The following NUCB2 variants were observed in gnomAD, a reference collection of about 807,000 sequenced individuals.
The protein encoded by NUCB2 is nucleobindin 2.
In NUCB2, 48 loss-of-function variants were observed where a neutral mutation model predicts 57.9. The ratio of observed to expected loss-of-function variants is 0.83; its 90% CI spans 0.66 to 1.05. NUCB2 has a LOEUF of 1.05. Among genes scored for constraint, NUCB2 ranks in the 50% least tolerant of loss-of-function variants. The pLI, the probability that NUCB2 is intolerant of heterozygous loss-of-function variation, is 0.00. For missense variants in NUCB2, 442 were observed against 476.2 expected, an observed-to-expected ratio of 0.93 and a Z score of 0.67; for synonymous variants, 139 against 152.1, an observed-to-expected ratio of 0.91 and a Z score of 0.64.
At chr11:17,339,922 C>T (rs1256194654) in intron 2 of NUCB2, among the ~76,000 whole-genome samples, 2 of 152,180 alleles carry the variant, frequency 1.3e-5, no homozygotes, top group African/African-American at 2.4e-5. Context: ...CCTGAGGAAT[C>T]GCCACACAGA....
chr11:17,300,664 C>T lies in NUCB2; in HGVS notation c.253-1080C>T, dbSNP rs114330185. 4.2e-3 allele frequency among the ~76,000 whole-genome samples: 642 copies of T among 152,176 alleles called. 6 individuals are homozygous for T. Among genetic ancestry groups the T allele is most frequent in the African/African-American group, 0.015 (613 of 41,502 alleles). ...ATTGGTATACTATATTTTGTTTATCCGTTCATTAGTTGATGGACGTTTAGG... is the reference window on the plus strand; with the variant it reads ...ATTGGTATACTATATTTTGTTTATCTGTTCATTAGTTGATGGACGTTTAGG... On this transcript the variant is annotated intron_variant, in intron 4 of 13. Coordinates refer to ENST00000529010, the MANE Select transcript of NUCB2 (RefSeq NM_005013.4).
At chr11:17,346,191 C>T (rs1047750688) in intron 2 of NUCB2, among the ~76,000 whole-genome samples, 1 of 152,204 alleles carries the variant, frequency 6.6e-6, no homozygotes, top group Admixed American at 6.5e-5. Flanking sequence ...CCTTCTCCAG[C>T]ATGGCTAGTA....
At chr11:17,346,782 GATA>G (rs1952776567) in intron 2 of NUCB2, among the ~76,000 whole-genome samples, 1 of 152,068 alleles carries the variant, frequency 6.6e-6, no homozygotes, top group Non-Finnish European at 1.5e-5. Flanking sequence ...AATTAACATT[GATA>G]CAATTCTATA....
chr11:17,341,159 T>C (rs1409336466), intron 2 of NUCB2, among the ~76,000 whole-genome samples: 3 of 152,250 alleles, frequency 2.0e-5, no homozygotes, highest in Non-Finnish European at 2.9e-5. Context: ...TTTTGCACAT[T>C]GATTTTGTAT....
At chr11:17,288,347 C>T (rs1396215371) in intron 2 of NUCB2, among the ~76,000 whole-genome samples, 5 of 151,636 alleles carry the variant, frequency 3.3e-5, no homozygotes, top group African/African-American at 9.7e-5. Context: ...AATCTTTTAT[C>T]CCACCCTGAG....
At chr11:17,336,235 G>A (rs984872110), downstream of NUCB2, among the ~76,000 whole-genome samples, 5 of 151,892 alleles carry the variant, frequency 3.3e-5, no homozygotes, top group African/African-American at 4.8e-5. Context: ...GAGCCACCAC[G>A]CCCAGCTTGC....
intron 2 of NUCB2, among the ~76,000 whole-genome samples, chr11:17,290,633 TAA>T (rs1306951923): frequency 2.0e-5 from 3 of 152,112 alleles, no homozygotes; most frequent in South Asian, 2.1e-4. Context: ...TAGAAAATCT[TAA>T]GTTTATATAT....
rs758056826 is a variant in NUCB2 at position 17,296,084 on chromosome 11, G to A, written c.145-20G>A. ...AGGAAAAACCTGCAGAAGCATTACT[G>A]TTGGTTTCTTAATTTGAAGGATACT... On this transcript the variant is annotated intron_variant, in intron 3 of 13. Transcript: ENST00000529010. 2.7e-6 allele frequency: 4 copies of A among 1,460,618 alleles called. No individual in the cohort carries two copies. In the African/African-American group the frequency reaches 4.2e-5, roughly 15 times the overall value. 90.5% of individuals were successfully genotyped at this position (1,460,618 alleles called of 1,614,324 possible).
At chr11:17,290,387 G>A (rs1231586331) in intron 2 of NUCB2, among the ~76,000 whole-genome samples, 1 of 152,128 alleles carries the variant, frequency 6.6e-6, no homozygotes, top group Non-Finnish European at 1.5e-5. Context: ...TGTTGCTGTT[G>A]CTATGTGGCT....
chr11:17,334,422 T>C (rs1159139541), downstream of NUCB2: 2 of 152,188 alleles, frequency 1.3e-5, no homozygotes, highest in African/African-American at 4.8e-5. Flanking sequence ...CCAGCAAAAA[T>C]AGATACATCT....
Position 17,282,256 on chromosome 11 carries a change from A to AT in NUCB2, c.-155-532dup, listed in dbSNP as rs756983829. Among the ~76,000 whole-genome samples the AT allele has an allele frequency of 4.2e-3, 459 of 108,262 alleles. 2 individuals carry two copies. The highest frequency in any genetic ancestry group is 5.6e-3 in the Non-Finnish European group (298 of 53,018). The allele number at this position is 108,262 out of a possible 152,430, so 71.0% of individuals were successfully genotyped here. A position where few individuals can be genotyped will look rare whatever the true frequency, so the allele number is the denominator to read the frequency against. On this transcript the variant is annotated intron_variant, in intron 1 of 13. Coordinates refer to ENST00000529010, the MANE Select transcript of NUCB2 (RefSeq NM_005013.4). ...TCTATCTATATATATATATATATAT[A>AT]TATTTTTTTTTTTTTTTCCCAAGAC...
chr11:17,336,478 A>C (rs111753239), downstream of NUCB2, among the ~76,000 whole-genome samples: 168 of 152,192 alleles, frequency 1.1e-3, 1 homozygote, highest in African/African-American at 3.8e-3. Context: ...ATTTAGAACT[A>C]TAATTAAAAA....
chr11:17,334,404 G>A (rs1163885671), downstream of NUCB2: 2 of 152,362 alleles, frequency 1.3e-5, no homozygotes, highest in East Asian at 3.9e-4. Flanking sequence ...CCTCTGCCAT[G>A]CTTTATGCCA....
chr11:17,293,561 T>C (rs1029984849), intron 2 of NUCB2, among the ~76,000 whole-genome samples: 3 of 152,174 alleles, frequency 2.0e-5, no homozygotes, highest in Non-Finnish European at 2.9e-5. Flanking sequence ...ACCAAAAGAA[T>C]TGAAAACCTG....
intron 2 of NUCB2, among the ~76,000 whole-genome samples, chr11:17,287,654 C>G (rs1429795326): frequency 3.6e-5 from 4 of 111,732 alleles, no homozygotes; most frequent in African/African-American, 1.5e-4. Flanking sequence ...GCCTGGGCAA[C>G]AGAGCAAAAC....
intron 2 of NUCB2, among the ~76,000 whole-genome samples, chr11:17,285,717 C>T (rs922511135): frequency 1.5e-5 from 2 of 134,826 alleles, no homozygotes; most frequent in South Asian, 2.3e-4. Context: ...GCACTCCAGC[C>T]TGGGTGACAG....
chr11:17,334,228 A>ATTCAGAATATATATCC (rs1951627941), downstream of NUCB2: 2 of 152,244 alleles, frequency 1.3e-5, no homozygotes, highest in Non-Finnish European at 2.9e-5. Context: ...TATATAGGTC[A>ATTCAGAATATATATCC]CAGAATCAAT....
chr11:17,331,512 AT>A lies in NUCB2; in HGVS notation c.*97del. The A allele has an allele frequency of 1.3e-6, 1 of 761,788 alleles. No homozygotes were observed. Among genetic ancestry groups the A allele is most frequent in the Non-Finnish European group, 2.0e-6 (1 of 508,338 alleles). 47.2% of individuals were successfully genotyped at this position (761,788 alleles called of 1,614,324 possible). On this transcript the variant is annotated 3_prime_UTR_variant, in exon 14 of 14. Coordinates refer to ENST00000529010, the MANE Select transcript of NUCB2 (RefSeq NM_005013.4). ...CTTCCTTTTTCTCTGCTCAATAAAT[AT>A]TTTAAAAGCATATTTGAAATAAAGG...
chr11:17,326,316 T>TG (rs1370225968), intron 11 of NUCB2, among the ~76,000 whole-genome samples: 12 of 138,860 alleles, frequency 8.6e-5, no homozygotes, highest in Admixed American at 1.5e-4. Context: ...TTACCGTTTT[T>TG]TTTTTTTTTT....
Sources: gnomAD v4.1 joint callset for allele counts (sites outside exome capture counted in the v4.1 genomes callset) on GRCh38, gnomAD v4.1.1 for gene constraint, MANE v1.5 for transcripts, NCBI Gene and HGNC (gene_info 2026-07-23, HGNC 2026-07-21) for gene names.